Variants in ANO10 observed in about 807,000 individuals in gnomAD.
ANO10 encodes anoctamin 10.
ANO10 carries 77 observed loss-of-function variants against 74.7 expected under a neutral mutation model. That is an observed-to-expected ratio of 1.03 (90% CI 0.86 to 1.25). The LOEUF is 1.25. Ranked by LOEUF, ANO10 falls within the 50% of genes most tolerant of loss-of-function variation. The pLI is 0.00. For missense variants in ANO10, 721 were observed against 778.1 expected (o/e 0.93, Z 0.87); for synonymous variants, 279 against 284.9 (o/e 0.98, Z 0.21).
intron 11 of ANO10, among the ~76,000 whole-genome samples, chr3:43,481,175 G>C (rs1166014193): frequency 6.6e-6 from 1 of 151,928 alleles, no homozygotes; most frequent in Non-Finnish European, 1.5e-5. Context: ...AAAAATTTGA[G>C]TCATATACTC....
intron 11 of ANO10, among the ~76,000 whole-genome samples, chr3:43,467,068 T>G (rs1559576294): frequency 6.6e-6 from 1 of 152,116 alleles, no homozygotes; most frequent in Non-Finnish European, 1.5e-5. Flanking sequence ...TCAGAATGGC[T>G]AAAAAAACTA....
At chr3:43,425,322 C>T (rs1276820282) in intron 12 of ANO10, among the ~76,000 whole-genome samples, 1 of 151,070 alleles carries the variant, frequency 6.6e-6, no homozygotes, top group Non-Finnish European at 1.5e-5. Context: ...AGCCACTGTG[C>T]CCAGCCTCTA....
At chr3:43,474,511 A>G (rs1019021087) in intron 11 of ANO10, among the ~76,000 whole-genome samples, 1 of 152,244 alleles carries the variant, frequency 6.6e-6, no homozygotes, top group Non-Finnish European at 1.5e-5. Flanking sequence ...GCTCTCATTA[A>G]GAGACATATT....
intron 11 of ANO10, among the ~76,000 whole-genome samples, chr3:43,464,158 A>G (rs2075511200): frequency 6.6e-6 from 1 of 152,178 alleles, no homozygotes; most frequent in South Asian, 2.1e-4. Context: ...CAACCTGAAA[A>G]AGGAATAATA....
At position 43,438,171 on chromosome 3, in the gene ANO10, C is replaced by T. The variant is rs184734314; in HGVS notation, c.1798-5444G>A. Reference sequence around the variant, plus strand: ...AGTCACACCTAGGTATGATGGCTCACACTTGTAATCTCAGCACTTTGGGAG... The same window carrying T: ...AGTCACACCTAGGTATGATGGCTCATACTTGTAATCTCAGCACTTTGGGAG... On this transcript the variant is annotated intron_variant, in intron 11 of 12. Transcript: ENST00000292246. Among the ~76,000 whole-genome samples the T allele has an allele frequency of 5.9e-5, 9 of 152,276 alleles. No homozygotes were observed. In the East Asian group the frequency reaches 1.5e-3, roughly 26 times the overall value.
intron 12 of ANO10, among the ~76,000 whole-genome samples, chr3:43,413,164 T>C (rs919857800): frequency 2.6e-5 from 4 of 152,232 alleles, no homozygotes; most frequent in Non-Finnish European, 5.9e-5. Flanking sequence ...TCCTACTTTT[T>C]ACTTCTCTCT....
chr3:43,540,099 C>A (rs900451367), intron 11 of ANO10, among the ~76,000 whole-genome samples: 1 of 152,220 alleles, frequency 6.6e-6, no homozygotes, highest in Admixed American at 6.5e-5. Context: ...TTAGCACTCC[C>A]AAGGAACAGA....
At chr3:43,529,300 G>T (rs951627784) in intron 11 of ANO10, among the ~76,000 whole-genome samples, 4 of 152,200 alleles carry the variant, frequency 2.6e-5, no homozygotes, top group Non-Finnish European at 4.4e-5. Flanking sequence ...TGTCCTTCAA[G>T]TATACATGTT....
chr3:43,641,825 A>C (rs1575575611), intron 1 of ANO10, among the ~76,000 whole-genome samples: 1 of 152,164 alleles, frequency 6.6e-6, no homozygotes, highest in South Asian at 2.1e-4. Context: ...TCATCAAGCG[A>C]GTGTGGGAAG....
At chr3:43,382,821 C>T (rs1002385426) in intron 12 of ANO10, among the ~76,000 whole-genome samples, 5 of 151,956 alleles carry the variant, frequency 3.3e-5, no homozygotes, top group African/African-American at 7.3e-5. Context: ...CTAGTTTAAA[C>T]GAGGGAGAAA....
At chr3:43,491,342 C>T (rs2076713712) in intron 11 of ANO10, among the ~76,000 whole-genome samples, 1 of 152,074 alleles carries the variant, frequency 6.6e-6, no homozygotes, top group South Asian at 2.1e-4. Flanking sequence ...GGCGAAACCC[C>T]ATCTCTACTA....
chr3:43,576,728 G>C lies in ANO10; in HGVS notation c.1126C>G (p.Leu376Val). The C allele has an allele frequency of 6.2e-7, 1 of 1,614,146 alleles. No homozygotes were observed. The highest frequency in any genetic ancestry group is 8.5e-7 in the Non-Finnish European group (1 of 1,180,040). ...AAAAACTCGGCAGCATATCGATAGA[G>C]ACGATTCATGATCTCAATCACAATG... ...YAIVIEIMNRLYRYAAEFLTS... is the reference protein window; with the variant it reads ...YAIVIEIMNRVYRYAAEFLTS... Residue 376 changes from leucine (L) to valine (V), a missense_variant, in exon 6 of 13, where the codon CTC becomes GTC. Transcript: ENST00000292246.
At chr3:43,657,552 G>T (rs972256641) in intron 1 of ANO10, among the ~76,000 whole-genome samples, 2 of 152,210 alleles carry the variant, frequency 1.3e-5, no homozygotes, top group African/African-American at 2.4e-5. Flanking sequence ...TTTGACCCAA[G>T]TTAAAGCAAT....
intron 1 of ANO10, among the ~76,000 whole-genome samples, chr3:43,641,553 C>T (rs114992932): frequency 0.013 from 1,960 of 152,290 alleles, 43 homozygotes; most frequent in African/African-American, 0.045. Flanking sequence ...GTTCTCCACC[C>T]ATTGCAGCCA....
chr3:43,664,420 T>C (rs1468638311), intron 1 of ANO10, among the ~76,000 whole-genome samples: 2 of 152,024 alleles, frequency 1.3e-5, no homozygotes, highest in African/African-American at 2.4e-5. Context: ...CCTAGGGCCA[T>C]AAAAATCCTA....
chr3:43,646,343 G>T (rs2149566095), intron 1 of ANO10, among the ~76,000 whole-genome samples: 1 of 152,288 alleles, frequency 6.6e-6, no homozygotes, highest in South Asian at 2.1e-4. Context: ...GGAGGAGGGA[G>T]AGTAGACCAA....
At chr3:43,558,598 G>A (rs1002057073) in intron 9 of ANO10, among the ~76,000 whole-genome samples, 17 of 151,992 alleles carry the variant, frequency 1.1e-4, no homozygotes, top group Admixed American at 5.2e-4. Flanking sequence ...TTAAAGTTTC[G>A]GCCAAATTGC....
chr3:43,428,365 A>G (rs1158996270), intron 12 of ANO10, among the ~76,000 whole-genome samples: 3 of 152,026 alleles, frequency 2.0e-5, no homozygotes, highest in African/African-American at 7.2e-5. Flanking sequence ...TGAACCTTTA[A>G]TTCTCAGATT....
chr3:43,522,349 A>G (rs986007791), intron 11 of ANO10, among the ~76,000 whole-genome samples: 7 of 151,860 alleles, frequency 4.6e-5, no homozygotes, highest in Non-Finnish European at 5.9e-5. Flanking sequence ...AAAGCTCTAC[A>G]GCTATTTCTG....
Sources: allele counts gnomAD v4.1 joint callset (sites outside exome capture counted in the v4.1 genomes callset), GRCh38; gene constraint gnomAD v4.1.1; transcripts MANE v1.5; gene names NCBI Gene and HGNC (gene_info 2026-07-23, HGNC 2026-07-21).